The following LIMK2 variants were observed in gnomAD, a reference collection of about 807,000 sequenced individuals.
LIMK2 encodes LIM domain kinase 2.
LIMK2 carries 35 observed loss-of-function variants against 75.7 expected under a neutral mutation model. That is an observed-to-expected ratio of 0.46 (90% CI 0.35 to 0.61). The LOEUF is 0.61. Ranked by LOEUF, LIMK2 falls within the 20% of genes least tolerant of loss-of-function variation. The pLI is 0.00. For synonymous variants in LIMK2, 301 were observed against 319.2 expected, an observed-to-expected ratio of 0.94 and a Z score of 0.61; for missense variants, 623 against 831.0, an observed-to-expected ratio of 0.75 and a Z score of 3.08.
intron 2 of LIMK2, among the ~76,000 whole-genome samples, chr22:31,255,141 G>A (rs528793131): frequency 9.9e-5 from 15 of 152,110 alleles, no homozygotes; most frequent in Admixed American, 2.0e-4. Context: ...GAGTTAAGGG[G>A]ACCCAGGGTA....
chr22:31,262,819 T>G lies in LIMK2; in HGVS notation c.854+28T>G. ...GCCACCTCCCACCCTGGCTCTGTTC[T>G]GTCCTATGTCTGTCTCTCGGATGAA... On this transcript the variant is annotated intron_variant, in intron 7 of 15. Coordinates refer to ENST00000331728, the MANE Select transcript of LIMK2 (RefSeq NM_005569.4). The surrounding 1 kb of genome is among the most constrained non-coding windows in gnomAD (Gnocchi z 5.0). 1 of 1,505,722 alleles carries G rather than the reference T, an allele frequency of 6.6e-7. No individual in the cohort carries two copies. Among genetic ancestry groups the G allele is most frequent in the Non-Finnish European group, 8.9e-7 (1 of 1,120,320 alleles). The allele number at this position is 1,505,722 out of a possible 1,614,324, so 93.3% of individuals were successfully genotyped here. A position where few individuals can be genotyped will look rare whatever the true frequency, so the allele number is the denominator to read the frequency against.
intron 14 of LIMK2, among the ~76,000 whole-genome samples, chr22:31,274,395 T>C (rs970455403): frequency 6.6e-6 from 1 of 151,870 alleles, no homozygotes; most frequent in Non-Finnish European, 1.5e-5. Context: ...AATGAAGGAA[T>C]GTTTTGTTTT....
intron 2 of LIMK2, among the ~76,000 whole-genome samples, chr22:31,251,869 C>T (rs1334149461): frequency 6.6e-6 from 1 of 152,140 alleles, no homozygotes; most frequent in Non-Finnish European, 1.5e-5. Context: ...CTCCAGGTGC[C>T]CTCAGGCTGT....
At chr22:31,249,078 C>T (rs1351872108) in intron 2 of LIMK2, among the ~76,000 whole-genome samples, 4 of 152,140 alleles carry the variant, frequency 2.6e-5, no homozygotes, top group Admixed American at 6.5e-5. Flanking sequence ...TTACTGCTTC[C>T]GGGGGGAATA....
chr22:31,245,778 C>G (rs1334055021), intron 2 of LIMK2, among the ~76,000 whole-genome samples: 1 of 151,944 alleles, frequency 6.6e-6, no homozygotes, highest in African/African-American at 2.4e-5. Context: ...GGAAAAAAAG[C>G]AAAAGAATGC....
chr22:31,268,900 A>G (rs545527499), intron 11 of LIMK2, among the ~76,000 whole-genome samples: 21 of 152,312 alleles, frequency 1.4e-4, no homozygotes, highest in Admixed American at 3.9e-4. Context: ...TGCCCTTCAC[A>G]TGGGGGTCCA....
At chr22:31,252,253 T>G (rs1433808479) in intron 2 of LIMK2, among the ~76,000 whole-genome samples, 1 of 152,018 alleles carries the variant, frequency 6.6e-6, no homozygotes, top group East Asian at 1.9e-4. Context: ...TTAGAATCAA[T>G]TGATTTCAGC....
chr22:31,213,346 C>T (rs576832495), intron 1 of LIMK2, among the ~76,000 whole-genome samples: 13 of 69,448 alleles, frequency 1.9e-4, no homozygotes, highest in Non-Finnish European at 2.8e-4. Context: ...GTTTCCCAGC[C>T]ACCTGTGTGG....
At chr22:31,261,507 C>T (rs2048838582) in intron 5 of LIMK2, among the ~76,000 whole-genome samples, 1 of 149,640 alleles carries the variant, frequency 6.7e-6, no homozygotes. Context: ...GATCACGCCA[C>T]TGCACTCCAG....
chr22:31,276,761 C>T (rs749634246), intron 15 of LIMK2: 4 of 1,584,062 alleles, frequency 2.5e-6, no homozygotes, highest in South Asian at 1.1e-5. Context: ...CAGGCAGTGG[C>T]GGCCAAGGAC....
chr22:31,247,642 A>C (rs754051188), intron 2 of LIMK2, among the ~76,000 whole-genome samples: 1 of 152,190 alleles, frequency 6.6e-6, no homozygotes, highest in Non-Finnish European at 1.5e-5. Context: ...ATGAGCCTAC[A>C]TTTAAATTCC....
chr22:31,240,388 G>A (rs1174811527), intron 2 of LIMK2, among the ~76,000 whole-genome samples: 2 of 151,460 alleles, frequency 1.3e-5, no homozygotes, highest in Non-Finnish European at 2.9e-5. Flanking sequence ...TAGTTCCAGA[G>A]ATAGCACTTT....
intron 1 of LIMK2, among the ~76,000 whole-genome samples, chr22:31,224,938 C>A (rs2048466437): frequency 6.6e-6 from 1 of 152,210 alleles, no homozygotes. Context: ...GAGCGGCGGG[C>A]CAGTGAGCAT....
At chr22:31,231,018 T>C (rs2048523818) in intron 2 of LIMK2, among the ~76,000 whole-genome samples, 1 of 152,204 alleles carries the variant, frequency 6.6e-6, no homozygotes, top group Non-Finnish European at 1.5e-5. Context: ...ACTTCGAGAA[T>C]AGGGAAATGG....
chr22:31,233,452 T>C (rs182725425), intron 2 of LIMK2, among the ~76,000 whole-genome samples: 4 of 152,228 alleles, frequency 2.6e-5, no homozygotes, highest in Non-Finnish European at 1.5e-5. Flanking sequence ...TTGCTTATCC[T>C]TCTTTGTCCA....
Position 31,278,635 on chromosome 22 carries a change from G to A in LIMK2, c.*194G>A. 2.1e-6 allele frequency: 1 copy of A among 474,608 alleles called. No homozygotes were observed. Among genetic ancestry groups the A allele is most frequent in the Non-Finnish European group, 3.6e-6 (1 of 274,216 alleles). 29.4% of individuals were successfully genotyped at this position (474,608 alleles called of 1,614,324 possible). ...AGGGAAATGTATCTCCACAGGTTCT[G>A]GGGCCTAGTTACTGTCTGTAAATCC... On this transcript the variant is annotated 3_prime_UTR_variant, in exon 16 of 16. Transcript: ENST00000331728.
chr22:31,217,010 A>C (rs910344816), intron 1 of LIMK2, among the ~76,000 whole-genome samples: 2 of 152,220 alleles, frequency 1.3e-5, no homozygotes, highest in Non-Finnish European at 2.9e-5. Flanking sequence ...TGGTTTCATT[A>C]AAGTGTTCCT....
intron 1 of LIMK2, among the ~76,000 whole-genome samples, chr22:31,221,567 C>T (rs1027057530): frequency 5.3e-5 from 8 of 152,168 alleles, no homozygotes; most frequent in African/African-American, 1.9e-4. Flanking sequence ...TCACTGCAAC[C>T]TCCGCCTACC....
chr22:31,268,466 G>A (rs2048919582), intron 11 of LIMK2, among the ~76,000 whole-genome samples: 1 of 152,220 alleles, frequency 6.6e-6, no homozygotes, highest in African/African-American at 2.4e-5. Flanking sequence ...GCCTGAGATG[G>A]CCTGGGCTTG....
Sources: gnomAD v4.1 joint callset for allele counts (sites outside exome capture counted in the v4.1 genomes callset) on GRCh38, gnomAD v4.1.1 for gene constraint, Gnocchi (gnomAD v3.1) non-coding constraint, MANE v1.5 for transcripts, NCBI Gene and HGNC (gene_info 2026-07-23, HGNC 2026-07-21) for gene names.